GRM3: variants seen among roughly 807,000 people sequenced by gnomAD.
GRM3 encodes the protein metabotropic glutamate receptor 3.
GRM3 carries 26 observed loss-of-function variants against 70.5 expected under a neutral mutation model. That is an observed-to-expected ratio of 0.37 (90% CI 0.27 to 0.51). The LOEUF (loss-of-function observed/expected upper bound fraction) is 0.51. GRM3 is among the 20% of genes least tolerant of loss of function. The pLI, the probability that GRM3 is intolerant of heterozygous loss-of-function variation, is 0.93. For missense variants in GRM3, 859 were observed against 1,123.8 expected, an observed-to-expected ratio of 0.76 and a Z score of 3.37; for synonymous variants, 443 against 434.9, an observed-to-expected ratio of 1.02 and a Z score of -0.23.
intron 3 of GRM3, among the ~76,000 whole-genome samples, chr7:86,813,954 A>G (rs1433601650): frequency 1.3e-5 from 2 of 151,694 alleles, no homozygotes; most frequent in South Asian, 4.1e-4. Flanking sequence ...CTTTCCCACT[A>G]AATCATTTGG....
Position 86,679,791 on chromosome 7 carries a change from G to A in GRM3, c.-141+34919G>A, listed in dbSNP as rs146072883. 5.2e-3 allele frequency among the ~76,000 whole-genome samples: 797 copies of A among 152,022 alleles called. 11 individuals carry two copies. Among genetic ancestry groups the A allele is most frequent in the African/African-American group, 0.019 (769 of 41,476 alleles). On this transcript the variant is annotated intron_variant, in intron 1 of 5. Coordinates refer to ENST00000361669, the MANE Select transcript of GRM3 (RefSeq NM_000840.3). ...GGGTCATTATTTCCAAAACCTGCCC[G>A]GGGAGGTTTGTTACCTAAAAATAAG... is the stretch of plus-strand genomic sequence containing the variant.
At chr7:86,743,796 C>G (rs531665498) in intron 1 of GRM3, among the ~76,000 whole-genome samples, 1 of 152,188 alleles carries the variant, frequency 6.6e-6, no homozygotes, top group East Asian at 1.9e-4. Context: ...GAGTGTTCAG[C>G]CCCTCCTCCA....
intron 1 of GRM3, among the ~76,000 whole-genome samples, chr7:86,698,342 T>C (rs1461207902): frequency 6.6e-6 from 1 of 151,862 alleles, no homozygotes; most frequent in Admixed American, 6.6e-5. Context: ...AAGAAGTCCC[T>C]TCCTTAAAAG....
chr7:86,686,792 T>C (rs1224517675), intron 1 of GRM3, among the ~76,000 whole-genome samples: 2 of 151,780 alleles, frequency 1.3e-5, no homozygotes, highest in Non-Finnish European at 2.9e-5. Context: ...ACGCAAAAAA[T>C]AGAAACAGAC....
intron 2 of GRM3, among the ~76,000 whole-genome samples, chr7:86,767,248 T>C (rs1055904739): frequency 3.5e-4 from 53 of 151,914 alleles, no homozygotes; most frequent in African/African-American, 1.3e-3. Flanking sequence ...AATATATAGA[T>C]AGATACATAA....
rs543543610 is a variant in GRM3 at position 86,744,337 on chromosome 7, G to C, written c.-140-20669G>C. 2.6e-5 allele frequency among the ~76,000 whole-genome samples: 4 copies of C among 151,864 alleles called. No individual in the cohort carries two copies. The South Asian group carries it at 8.3e-4, about 32-fold the overall frequency. ...ATACAGCCCTCCGCAATTATCTTAA[G>C]GGGTCCAGAATATTTGGGAAAGATG... On this transcript the variant is annotated intron_variant, in intron 1 of 5. Coordinates refer to ENST00000361669, the MANE Select transcript of GRM3 (RefSeq NM_000840.3).
intron 2 of GRM3, among the ~76,000 whole-genome samples, chr7:86,766,409 T>C (rs1796601930): frequency 6.6e-6 from 1 of 151,752 alleles, no homozygotes; most frequent in African/African-American, 2.4e-5. Flanking sequence ...ATTTAACACA[T>C]AACTTAAACT....
At chr7:86,797,362 G>A (rs1433981563) in intron 3 of GRM3, among the ~76,000 whole-genome samples, 3 of 152,228 alleles carry the variant, frequency 2.0e-5, no homozygotes, top group South Asian at 4.1e-4. Context: ...TGAGGAACTT[G>A]TTGGGAACTG....
chr7:86,800,173 C>T (rs1051846501), intron 3 of GRM3, among the ~76,000 whole-genome samples: 1 of 152,104 alleles, frequency 6.6e-6, no homozygotes, highest in Non-Finnish European at 1.5e-5. Context: ...GCACTAAATT[C>T]CCACATCAAA....
intron 1 of GRM3, among the ~76,000 whole-genome samples, chr7:86,703,684 C>T (rs1200331615): frequency 6.6e-6 from 1 of 151,894 alleles, no homozygotes; most frequent in Non-Finnish European, 1.5e-5. Flanking sequence ...TTTGACTAAA[C>T]CAGAGCTCAG....
intron 1 of GRM3, among the ~76,000 whole-genome samples, chr7:86,655,836 G>A (rs1283545496): frequency 7.5e-6 from 1 of 133,316 alleles, no homozygotes; most frequent in Non-Finnish European, 1.6e-5. Context: ...GTGTGTGTGT[G>A]TGTGTGTGTG....
At chr7:86,805,155 A>C (rs1192907297) in intron 3 of GRM3, among the ~76,000 whole-genome samples, 1 of 152,224 alleles carries the variant, frequency 6.6e-6, no homozygotes, top group Non-Finnish European at 1.5e-5. Context: ...GGTAGTATAC[A>C]TTCCACTCAC....
At chr7:86,789,983 T>G (rs1190508747) in intron 3 of GRM3, among the ~76,000 whole-genome samples, 1 of 152,198 alleles carries the variant, frequency 6.6e-6, no homozygotes, top group Non-Finnish European at 1.5e-5. Flanking sequence ...AGCTAACCAC[T>G]GCCCAGGTCT....
At chr7:86,681,410 C>T (rs11979201) in intron 1 of GRM3, among the ~76,000 whole-genome samples, 5,073 of 152,102 alleles carry the variant, frequency 0.033, 278 homozygotes, top group African/African-American at 0.12. Flanking sequence ...TTTTCTTTTT[C>T]CTCTTTTTCT....
chr7:86,838,930 A>T lies in GRM3; in HGVS notation c.1416A>T (p.Gln472His). 1.2e-6 allele frequency: 2 copies of T among 1,613,766 alleles called. No homozygotes were observed. The highest frequency in any genetic ancestry group is 1.7e-6 in the Non-Finnish European group (2 of 1,179,710). The change falls in exon 4 of 6, where the codon CAA (glutamine) becomes CAT (histidine). Residue 472 changes from glutamine to histidine, a missense_variant. Gln to His is a conservative substitution (Grantham distance 24). Coordinates refer to ENST00000361669, the MANE Select transcript of GRM3 (RefSeq NM_000840.3). ...GGCGATACAACGTGTTCAATTTCCA[A>T]AATGTAGGTGGAAAGTATTCCTACT... ...GMGRYNVFNF[Q>H]NVGGKYSYLK...
intron 3 of GRM3, among the ~76,000 whole-genome samples, chr7:86,796,922 T>C (rs1797564414): frequency 6.6e-6 from 1 of 152,152 alleles, no homozygotes; most frequent in Non-Finnish European, 1.5e-5. Flanking sequence ...ATCTGAAGGT[T>C]TTATAAAAGG....
chr7:86,789,187 T>C (rs192611849), intron 3 of GRM3, among the ~76,000 whole-genome samples: 2 of 152,262 alleles, frequency 1.3e-5, no homozygotes, highest in Admixed American at 1.3e-4. Flanking sequence ...TCATTCTCCA[T>C]CTCTGAAGAG....
intron 3 of GRM3, among the ~76,000 whole-genome samples, chr7:86,810,734 G>A (rs1797893170): frequency 1.3e-5 from 2 of 151,912 alleles, no homozygotes; most frequent in African/African-American, 2.4e-5. Context: ...TGACTAGCAA[G>A]TCACTCCTGT....
intron 3 of GRM3, among the ~76,000 whole-genome samples, chr7:86,814,894 G>A (rs996000308): frequency 4.6e-5 from 7 of 151,332 alleles, no homozygotes; most frequent in African/African-American, 1.7e-4. Context: ...AATGTTTCAT[G>A]GGCTCAGTGA....
Sources: allele counts gnomAD v4.1 joint callset (sites outside exome capture counted in the v4.1 genomes callset), GRCh38; gene constraint gnomAD v4.1.1; transcripts MANE v1.5; gene names NCBI Gene and HGNC (gene_info 2026-07-23, HGNC 2026-07-21).